The following CNTN1 variants were observed in gnomAD, a reference collection of about 807,000 sequenced individuals.
CNTN1 encodes the protein contactin 1.
CNTN1 carries 38 observed loss-of-function variants against 126.4 expected under a neutral mutation model. The observed-to-expected ratio is 0.30, with a 90% CI of 0.23 to 0.39. CNTN1 has a LOEUF of 0.39. Ranked by LOEUF, CNTN1 falls within the 10% of genes least tolerant of loss-of-function variation. CNTN1 has a pLI of 1.00. For synonymous variants in CNTN1, 413 were observed against 422.6 expected, an observed-to-expected ratio of 0.98 and a Z score of 0.28; for missense variants, 1,009 against 1,248.4, an observed-to-expected ratio of 0.81 and a Z score of 2.89.
chr12:40,975,149 T>C (rs1239446732), intron 15 of CNTN1, among the ~76,000 whole-genome samples: 2 of 147,376 alleles, frequency 1.4e-5, no homozygotes, highest in African/African-American at 2.5e-5. Flanking sequence ...ACAGCCCTTA[T>C]AGACTTCGGT....
intron 12 of CNTN1, among the ~76,000 whole-genome samples, chr12:40,940,454 G>C (rs1182277737): frequency 1.3e-5 from 2 of 152,048 alleles, no homozygotes; most frequent in Non-Finnish European, 2.9e-5. Flanking sequence ...GATCACTTTT[G>C]TCATTTGAAA....
chr12:40,872,349 A>G (rs1943532573), intron 1 of CNTN1, among the ~76,000 whole-genome samples: 1 of 151,844 alleles, frequency 6.6e-6, no homozygotes, highest in African/African-American at 2.4e-5. Context: ...TAACAAATCA[A>G]TATCAAGTAT....
At chr12:40,874,134 G>T (rs1464198230) in intron 1 of CNTN1, among the ~76,000 whole-genome samples, 1 of 151,744 alleles carries the variant, frequency 6.6e-6, no homozygotes, top group Non-Finnish European at 1.5e-5. Flanking sequence ...TGTATTCTTG[G>T]GATCATTACT....
At chr12:40,777,238 TG>T (rs1228818548) in intron 1 of CNTN1, among the ~76,000 whole-genome samples, 3 of 146,012 alleles carry the variant, frequency 2.1e-5, no homozygotes, top group African/African-American at 2.5e-5. Flanking sequence ...CTAATTACTA[TG>T]TTTTTTTTTT....
intron 1 of CNTN1, among the ~76,000 whole-genome samples, chr12:40,725,497 A>G (rs1048926906): frequency 5.9e-5 from 9 of 152,004 alleles, no homozygotes; most frequent in Non-Finnish European, 8.8e-5. Flanking sequence ...ATGTACATAA[A>G]TCTTTTCCCA....
intron 15 of CNTN1, among the ~76,000 whole-genome samples, chr12:40,967,719 A>G (rs1172926067): frequency 6.6e-6 from 1 of 152,150 alleles, no homozygotes; most frequent in Non-Finnish European, 1.5e-5. Flanking sequence ...ACAGATAATC[A>G]GAGATACCTA....
At chr12:41,017,464 G>T (rs1948807953) in intron 19 of CNTN1, among the ~76,000 whole-genome samples, 2 of 150,552 alleles carry the variant, frequency 1.3e-5, no homozygotes, top group Admixed American at 6.6e-5. Flanking sequence ...ACCTAAAAAT[G>T]TGTTTAATTG....
intron 15 of CNTN1, 149 bp downstream of exon 15, chr12:40,959,383 C>T: frequency 1.2e-6 from 1 of 846,948 alleles, no homozygotes; most frequent in Non-Finnish European, 1.9e-6. Context: ...TCTTCCCATG[C>T]CTAAGAATGA....
intron 15 of CNTN1, among the ~76,000 whole-genome samples, chr12:40,973,330 A>G (rs187277992): frequency 9.2e-5 from 14 of 152,248 alleles, no homozygotes; most frequent in African/African-American, 3.1e-4. Flanking sequence ...TGTCTTAGAT[A>G]ATTTTCAAGG....
At chr12:40,708,813 A>G (rs561436945) in intron 1 of CNTN1, among the ~76,000 whole-genome samples, 7 of 152,322 alleles carry the variant, frequency 4.6e-5, no homozygotes, top group African/African-American at 1.7e-4. Flanking sequence ...CCTCTTCTGT[A>G]ACAGTTTTAT....
intron 5 of CNTN1, among the ~76,000 whole-genome samples, chr12:40,923,806 G>A (rs1478423337): frequency 6.6e-6 from 1 of 152,080 alleles, no homozygotes; most frequent in Non-Finnish European, 1.5e-5. Context: ...CTGCAAAAAA[G>A]TAACACTTAG....
chr12:40,827,871 T>C (rs1215785035), intron 1 of CNTN1, among the ~76,000 whole-genome samples: 1 of 152,202 alleles, frequency 6.6e-6, no homozygotes, highest in Non-Finnish European at 1.5e-5. Flanking sequence ...TTTTAATGCA[T>C]GAATTATGCA....
At chr12:40,949,210 G>GT (rs1268991186) in intron 14 of CNTN1, among the ~76,000 whole-genome samples, 1 of 26,302 alleles carries the variant, frequency 3.8e-5, no homozygotes, top group Admixed American at 5.3e-4. Flanking sequence ...TTTTTTTTTT[G>GT]TTTTTTTACA....
intron 14 of CNTN1, among the ~76,000 whole-genome samples, chr12:40,954,214 G>C (rs1946787238): frequency 6.6e-6 from 1 of 151,894 alleles, no homozygotes; most frequent in Non-Finnish European, 1.5e-5. Flanking sequence ...CTATCATTTT[G>C]TGTCGTAATA....
chr12:40,870,542 A>G (rs1421547669), intron 1 of CNTN1, among the ~76,000 whole-genome samples: 1 of 152,140 alleles, frequency 6.6e-6, no homozygotes, highest in African/African-American at 2.4e-5. Context: ...TTCATTTCCA[A>G]ACCTAACATT....
At position 40,980,905 on chromosome 12, in the gene CNTN1, T is replaced by TCAGGCCCTC; in HGVS notation, c.1815_1823dup. 2.5e-6 allele frequency: 4 copies of TCAGGCCCTC among 1,613,838 alleles called. No individual in the cohort carries two copies. Among genetic ancestry groups the TCAGGCCCTC allele is most frequent in the Non-Finnish European group, 3.4e-6 (4 of 1,179,786 alleles). On this transcript the variant is annotated splice_region_variant and splice_polypyrimidine_tract_variant and intron_variant, in intron 15 of 23. Transcript: ENST00000551295. ...CTGATTCATTACCCACATTTTCATT[T>TCAGGCCCTC]CAGGCCCTCCAGGCCCTCCAGGTGG... is the stretch of plus-strand genomic sequence containing the variant.
intron 1 of CNTN1, among the ~76,000 whole-genome samples, chr12:40,707,384 G>A (rs11177954): frequency 0.61 from 92,437 of 151,198 alleles, 29,037 homozygotes; most frequent in East Asian, 0.84. Context: ...GAGTAGCTGG[G>A]ACTACAGGCG....
chr12:40,937,022 A>G, intron 10 of CNTN1, 117 bp downstream of exon 10: 1 of 1,305,580 alleles, frequency 7.7e-7, no homozygotes. Flanking sequence ...GGGCCCTGAA[A>G]TATAAAAGCT....
chr12:40,820,470 C>T (rs984236535), intron 1 of CNTN1, among the ~76,000 whole-genome samples: 2 of 152,066 alleles, frequency 1.3e-5, no homozygotes, highest in East Asian at 1.9e-4. Context: ...GACTATAGGA[C>T]CTGGAGTGTA....
Sources: gnomAD v4.1 joint callset for allele counts (sites outside exome capture counted in the v4.1 genomes callset) on GRCh38, gnomAD v4.1.1 for gene constraint, MANE v1.5 for transcripts, NCBI Gene and HGNC (gene_info 2026-07-23, HGNC 2026-07-21) for gene names.